Variants in INVS observed in about 807,000 individuals in gnomAD.
The protein encoded by INVS is inversion of embryo turning homolog.
Under a neutral mutation model 108.8 loss-of-function variants are expected in INVS, and 86 were observed. That is an observed-to-expected ratio of 0.79 (90% CI 0.66 to 0.95). The LOEUF is 0.95. Among genes scored for constraint, INVS ranks in the 40% least tolerant of loss-of-function variants. The pLI is 0.00. For missense variants in INVS, 1,169 were observed against 1,297.4 expected, an observed-to-expected ratio of 0.90 and a Z score of 1.52; for synonymous variants, 455 against 473.5, an observed-to-expected ratio of 0.96 and a Z score of 0.51.
intron 15 of INVS, 30 bp downstream of exon 15, chr9:100,297,176 C>A: frequency 6.5e-7 from 1 of 1,538,850 alleles, no homozygotes; most frequent in Non-Finnish European, 9.0e-7. Flanking sequence ...CTTTGTAGTT[C>A]ACAAGTACCC....
At chr9:100,118,904 A>G (rs895784255) in intron 2 of INVS, among the ~76,000 whole-genome samples, 4 of 151,598 alleles carry the variant, frequency 2.6e-5, no homozygotes, top group African/African-American at 7.3e-5. Context: ...CAGGTGATCC[A>G]CCCACCTTGG....
chr9:100,301,138 A>AAC lies in INVS; in HGVS notation c.*464_*465insAC, dbSNP rs1833953606. 1 of 141,934 alleles carries AAC rather than the reference A, an allele frequency of 7.0e-6. No individual in the cohort carries two copies. The allele number at this position is 141,934 out of a possible 1,614,324, so 8.8% of individuals were successfully genotyped here. A position where few individuals can be genotyped will look rare whatever the true frequency, so the allele number is the denominator to read the frequency against. ...TCCTGGCATCTAATGCAACAAACTT[A>AAC]TCACACACACACACACACACACACA... On this transcript the variant is annotated 3_prime_UTR_variant, in exon 17 of 17. Coordinates refer to ENST00000262457, the MANE Select transcript of INVS (RefSeq NM_014425.5).
chr9:100,249,534 G>T (rs963700637), intron 8 of INVS, among the ~76,000 whole-genome samples: 1 of 151,836 alleles, frequency 6.6e-6, no homozygotes, highest in African/African-American at 2.4e-5. Context: ...TCACTCTCTT[G>T]CCCGGGCTGG....
intron 3 of INVS, among the ~76,000 whole-genome samples, chr9:100,178,707 A>G (rs146064937): frequency 0.01 from 1,524 of 152,330 alleles, 64 homozygotes; most frequent in Admixed American, 0.064. Context: ...ACCAAATTGG[A>G]AAACACTCTT....
chr9:100,187,518 A>G (rs907631430), intron 3 of INVS, among the ~76,000 whole-genome samples: 2 of 112,902 alleles, frequency 1.8e-5, no homozygotes, highest in Non-Finnish European at 3.5e-5. Context: ...TGTATCATCT[A>G]TGATTTCTTT....
chr9:100,193,160 TG>T (rs1830274648), intron 3 of INVS, among the ~76,000 whole-genome samples: 1 of 151,956 alleles, frequency 6.6e-6, no homozygotes, highest in Non-Finnish European at 1.5e-5. Context: ...AAAATTTTTT[TG>T]TAGAGATGGG....
In INVS at chr9:100,300,781, C is replaced by T. The variant is rs1833943819; in HGVS notation, c.*107C>T. On this transcript the variant is annotated 3_prime_UTR_variant, in exon 17 of 17. Coordinates refer to ENST00000262457, the MANE Select transcript of INVS (RefSeq NM_014425.5). ...CCTTGGGAAAACTTTAATATCCGTA[C>T]CTGAAGGCTGATTCACCTAAAAATG... 1.3e-6 allele frequency: 1 copy of T among 764,204 alleles called. No individual in the cohort carries two copies. The highest frequency in any genetic ancestry group is 1.7e-5 in the African/African-American group (1 of 57,894). The allele number at this position is 764,204 out of a possible 1,614,324, so 47.3% of individuals were successfully genotyped here.
chr9:100,197,152 T>C (rs931430394), intron 3 of INVS, among the ~76,000 whole-genome samples: 3 of 152,186 alleles, frequency 2.0e-5, no homozygotes, highest in South Asian at 4.1e-4. Flanking sequence ...CAGCTTCAAG[T>C]TGGGGTTCCT....
chr9:100,284,604 G>T lies in INVS; in HGVS notation c.2068+1G>T. The stretch of plus-strand genomic sequence containing the variant: ...GGAACAAACTCCAGAAGGCCAAATG[G>T]TAGGTGTATTGCCTTTGTCATCTTC... On this transcript the variant is annotated splice_donor_variant, in intron 13 of 16. Transcript: ENST00000262457. LOFTEE classifies it high-confidence loss of function. 1 of 1,612,816 alleles carries T rather than the reference G, an allele frequency of 6.2e-7. No homozygotes were observed. Among genetic ancestry groups the T allele is most frequent in the Non-Finnish European group, 8.5e-7 (1 of 1,179,448 alleles).
chr9:100,267,702 G>A (rs572441271), intron 11 of INVS, among the ~76,000 whole-genome samples: 13 of 152,168 alleles, frequency 8.5e-5, no homozygotes, highest in African/African-American at 2.9e-4. Context: ...ATTGAATTTG[G>A]GATGAAAAAA....
At chr9:100,143,215 A>G (rs1188607684) in intron 3 of INVS, among the ~76,000 whole-genome samples, 1 of 152,090 alleles carries the variant, frequency 6.6e-6, no homozygotes, top group African/African-American at 2.4e-5. Context: ...GGAGGGAGGT[A>G]TTGAGGATAG....
At chr9:100,228,962 A>G (rs1401877927) in intron 4 of INVS, among the ~76,000 whole-genome samples, 1 of 152,170 alleles carries the variant, frequency 6.6e-6, no homozygotes, top group Non-Finnish European at 1.5e-5. Flanking sequence ...TCTTCTACCC[A>G]CAAATTTAGT....
At chr9:100,116,914 G>A in intron 2 of INVS, 2 of 1,334,918 alleles carry the variant, frequency 1.5e-6, no homozygotes, top group African/African-American at 2.9e-5. Context: ...TGGCATCAAA[G>A]GTGGCCTTGG....
intron 10 of INVS, among the ~76,000 whole-genome samples, chr9:100,259,084 C>T (rs894560973): frequency 3.3e-5 from 5 of 152,164 alleles, no homozygotes; most frequent in Admixed American, 6.5e-5. Flanking sequence ...GCTTCCTGGC[C>T]GGCCGCTTTG....
intron 3 of INVS, among the ~76,000 whole-genome samples, chr9:100,187,195 T>C (rs922069635): frequency 6.6e-6 from 1 of 152,188 alleles, no homozygotes; most frequent in African/African-American, 2.4e-5. Flanking sequence ...GGTTCTCTAT[T>C]CTGTTCCATT....
intron 12 of INVS, among the ~76,000 whole-genome samples, chr9:100,281,061 T>C (rs184129295): frequency 6.6e-6 from 1 of 152,352 alleles, no homozygotes; most frequent in South Asian, 2.1e-4. Context: ...CATTTTTAAA[T>C]GCTGCTAATG....
At chr9:100,100,616 ATATG>A (rs1826813352) in intron 1 of INVS, among the ~76,000 whole-genome samples, 1 of 90,740 alleles carries the variant, frequency 1.1e-5, no homozygotes, top group Non-Finnish European at 2.0e-5. Flanking sequence ...TATATATAAT[ATATG>A]TATATATAAT....
chr9:100,298,827 G>C (rs1833866794), intron 16 of INVS, among the ~76,000 whole-genome samples: 1 of 152,180 alleles, frequency 6.6e-6, no homozygotes, highest in Non-Finnish European at 1.5e-5. Flanking sequence ...AGTGGTGGGT[G>C]GGGTAGTTAG....
chr9:100,258,952 AG>A (rs1289333489), intron 10 of INVS, among the ~76,000 whole-genome samples: 1 of 152,232 alleles, frequency 6.6e-6, no homozygotes, highest in Non-Finnish European at 1.5e-5. Flanking sequence ...GCTGTCAGAC[AG>A]GGTCGTTTAA....
Sources: allele counts gnomAD v4.1 joint callset (sites outside exome capture counted in the v4.1 genomes callset), GRCh38; gene constraint gnomAD v4.1.1; transcripts MANE v1.5; gene names NCBI Gene and HGNC (gene_info 2026-07-23, HGNC 2026-07-21).